The following IBTK variants were observed in gnomAD, a reference collection of about 807,000 sequenced individuals.
The protein encoded by IBTK is BTK-binding protein.
Under a neutral mutation model 154.9 loss-of-function variants are expected in IBTK, and 83 were observed. The observed-to-expected ratio is 0.54, with a 90% CI of 0.45 to 0.64. The LOEUF (loss-of-function observed/expected upper bound fraction) is 0.64, where lower values mean the gene tolerates loss of function less well. Among genes scored for constraint, IBTK ranks in the 30% least tolerant of loss-of-function variants. The pLI is 0.00. For synonymous variants in IBTK, 515 were observed against 536.1 expected (o/e 0.96, Z 0.54); for missense variants, 1,332 against 1,584.6 (o/e 0.84, Z 2.71).
rs113014163 is a variant in IBTK, at chr6:82,236,540, A to C, written c.322-2285T>G. Reference sequence around the variant, plus strand: ...TACCAGCCATGCATCCTGTCATGGAATCAAGAAGCCCCAAAAGAGCTACAT... The same window carrying C: ...TACCAGCCATGCATCCTGTCATGGACTCAAGAAGCCCCAAAAGAGCTACAT... On this transcript the variant is annotated intron_variant, in intron 2 of 28. Coordinates refer to ENST00000306270, the MANE Select transcript of IBTK (RefSeq NM_015525.4). 5.4e-3 allele frequency among the ~76,000 whole-genome samples: 827 copies of C among 152,328 alleles called. 9 individuals are homozygous for C. Among genetic ancestry groups the C allele is most frequent in the African/African-American group, 0.019 (792 of 41,584 alleles).
At chr6:82,215,718 TGGA>T (rs944608658) in intron 11 of IBTK, among the ~76,000 whole-genome samples, 2 of 125,886 alleles carry the variant, frequency 1.6e-5, no homozygotes, top group Non-Finnish European at 3.1e-5. Flanking sequence ...TCCTGGGAGG[TGGA>T]GGTTAGAGTG....
intron 2 of IBTK, among the ~76,000 whole-genome samples, chr6:82,238,890 CACT>C (rs2127828880): frequency 6.6e-6 from 1 of 151,778 alleles, no homozygotes; most frequent in East Asian, 2.0e-4. Context: ...AAGCACACGC[CACT>C]ACACCTGGCT....
rs570186267 is a variant in IBTK, at chr6:82,238,250, A to T, written c.321+1916T>A. Reference sequence around the variant, plus strand: ...CAAAGCAAGACTCCGTCGCAAAAAAAAATAATAATAAAAATAAAATAAAAT... The same window carrying T: ...CAAAGCAAGACTCCGTCGCAAAAAATAATAATAATAAAAATAAAATAAAAT... On this transcript the variant is annotated intron_variant, in intron 2 of 28. Coordinates refer to ENST00000306270, the MANE Select transcript of IBTK (RefSeq NM_015525.4). Among the ~76,000 whole-genome samples, 105 of 152,010 alleles carry T rather than the reference A, an allele frequency of 6.9e-4. 2 individuals carry two copies. Among genetic ancestry groups the T allele is most frequent in the Middle Eastern group, 3.4e-3 (1 of 294 alleles).
intron 10 of IBTK, among the ~76,000 whole-genome samples, chr6:82,217,503 C>T (rs1047832117): frequency 6.6e-6 from 1 of 152,052 alleles, no homozygotes; most frequent in African/African-American, 2.4e-5. Flanking sequence ...AAACTTTCCC[C>T]TATATCTGGC....
intron 25 of IBTK, among the ~76,000 whole-genome samples, chr6:82,188,287 T>A (rs534888381): frequency 6.6e-6 from 1 of 152,164 alleles, no homozygotes; most frequent in Non-Finnish European, 1.5e-5. Context: ...TGGATGTAAA[T>A]CAATGGCTAT....
intron 26 of IBTK, among the ~76,000 whole-genome samples, chr6:82,175,585 C>A (rs1768080788): frequency 6.6e-6 from 1 of 152,104 alleles, no homozygotes; most frequent in African/African-American, 2.4e-5. Context: ...ATATCAAAAA[C>A]ATTCTAAACT....
intron 28 of IBTK, 145 bp from the exon 29 acceptor site, chr6:82,171,701 A>C: frequency 1.4e-6 from 1 of 710,556 alleles, no homozygotes; most frequent in Non-Finnish European, 2.4e-6. Context: ...CTGCATTTTA[A>C]ATCAGGTATC....
At chr6:82,189,264 A>C (rs1768671375) in intron 25 of IBTK, among the ~76,000 whole-genome samples, 1 of 152,080 alleles carries the variant, frequency 6.6e-6, no homozygotes, top group Admixed American at 6.6e-5. Flanking sequence ...TCAGAACATT[A>C]GAGATAAAGA....
chr6:82,240,113 A>T, intron 2 of IBTK, 53 bp downstream of exon 2: 1 of 1,465,476 alleles, frequency 6.8e-7, no homozygotes, highest in Non-Finnish European at 9.3e-7. Context: ...GAAAATGATT[A>T]AGAAAAACAT....
chr6:82,191,449 T>G (rs1307957875), intron 24 of IBTK: 1 of 562,890 alleles, frequency 1.8e-6, no homozygotes, highest in Non-Finnish European at 3.1e-6. Context: ...AAGTAATAGC[T>G]ACATATGAGC....
rs776060160 is a variant in IBTK at position 82,171,487 on chromosome 6, T to C, written c.4000A>G (p.Ile1334Val). Residue 1334 changes from isoleucine to valine, a missense_variant, in exon 29 of 29, where the codon ATT (isoleucine) becomes GTT (valine). Ile to Val is a conservative substitution (Grantham distance 29). This residue lies in a region of IBTK where 1,134 missense variants were observed against 1,274.7 expected (regional missense o/e 0.89). Coordinates refer to ENST00000306270, the MANE Select transcript of IBTK (RefSeq NM_015525.4). ...GGTCCCTGCGGTGTCCTTTCAACAA[T>C]GACAAACTCTTCAGGGTTGCCAAAT... ...EAFGNPEEFVIVERTPQGPLA... is the reference protein window; with the variant it reads ...EAFGNPEEFVVVERTPQGPLA... 1.2e-5 allele frequency: 20 copies of C among 1,613,190 alleles called. No homozygotes were observed. Among genetic ancestry groups the C allele is most frequent in the Middle Eastern group, 1.7e-4 (1 of 5,974 alleles).
chr6:82,182,158 T>C, intron 25 of IBTK, 130 bp from the exon 26 acceptor site: 4 of 804,034 alleles, frequency 5.0e-6, no homozygotes, highest in Non-Finnish European at 7.7e-6. Context: ...CAATGTGATG[T>C]TGGATTCTTG....
chr6:82,229,600 C>A lies in IBTK; in HGVS notation c.543+2118G>T, dbSNP rs76078960. 2.0e-5 allele frequency among the ~76,000 whole-genome samples: 3 copies of A among 151,926 alleles called. No individual in the cohort carries two copies. In the South Asian group the frequency reaches 6.2e-4, roughly 32 times the overall value. ...CAAGCTCAGCATGAGAAAAAAAAAA[C>A]TGACTAGCATGTCTGCAAAAAGCTC... On this transcript the variant is annotated intron_variant, in intron 4 of 28. Transcript: ENST00000306270.
chr6:82,191,715 TG>T (rs757781389), intron 24 of IBTK, 71 bp downstream of exon 24: 2 of 908,706 alleles, frequency 2.2e-6, no homozygotes, highest in African/African-American at 3.5e-5. Context: ...ATAAGAAAGA[TG>T]CAGTAAGTCT....
chr6:82,188,137 C>T (rs998629221), intron 25 of IBTK, among the ~76,000 whole-genome samples: 1 of 152,148 alleles, frequency 6.6e-6, no homozygotes, highest in Non-Finnish European at 1.5e-5. Flanking sequence ...TGATACGTTA[C>T]CCTATAGTCA....
chr6:82,227,119 T>A (rs751239652), intron 5 of IBTK, 73 bp downstream of exon 5: 2 of 998,650 alleles, frequency 2.0e-6, no homozygotes, highest in East Asian at 5.0e-5. Flanking sequence ...AAAAAAAATT[T>A]AGTTAATTAA....
rs867395775 is a variant in IBTK at position 82,220,691 on chromosome 6, G to T, written c.1147C>A (p.Leu383Ile). 6.4e-7 allele frequency: 1 copy of T among 1,561,774 alleles called. No homozygotes were observed. The highest frequency in any genetic ancestry group is 8.6e-7 in the Non-Finnish European group (1 of 1,157,264). Reference sequence around the variant, plus strand: ...TATTCCATATGACCCCCAGACACAAGAACTTTTTTCAAGTTCAACTGTCTA... The same window carrying T: ...TATTCCATATGACCCCCAGACACAATAACTTTTTTCAAGTTCAACTGTCTA... ...ASKQLNLKKV[L>I]VSGGHMEYKV... The change falls in exon 9 of 29, where the codon CTT (leucine) becomes ATT (isoleucine). Residue 383 changes from leucine to isoleucine, a missense_variant. By Grantham distance (5) the Leu-to-Ile change is conservative (BLOSUM62 2). This residue lies in a region of IBTK where 1,134 missense variants were observed against 1,274.7 expected (regional missense o/e 0.89). Coordinates refer to ENST00000306270, the MANE Select transcript of IBTK (RefSeq NM_015525.4).
At chr6:82,219,690 A>G (rs1180861757) in intron 9 of IBTK, among the ~76,000 whole-genome samples, 2 of 148,834 alleles carry the variant, frequency 1.3e-5, no homozygotes, top group East Asian at 4.0e-4. Context: ...TAATTTTATT[A>G]GAGAAATGTA....
intron 25 of IBTK, among the ~76,000 whole-genome samples, chr6:82,186,994 C>T (rs540430778): frequency 6.8e-6 from 1 of 146,238 alleles, no homozygotes; most frequent in East Asian, 2.0e-4. Flanking sequence ...CAACTCACTG[C>T]AACCTCTGCC....
Sources: allele counts gnomAD v4.1 joint callset (sites outside exome capture counted in the v4.1 genomes callset), GRCh38; gene constraint gnomAD v4.1.1; regional missense constraint gnomAD v4.1.1; transcripts MANE v1.5; gene names NCBI Gene and HGNC (gene_info 2026-07-23, HGNC 2026-07-21).